The following GLRA3 variants were observed in gnomAD, a reference collection of about 807,000 sequenced individuals.
The protein encoded by GLRA3 is glycine receptor subunit alpha-3.
A neutral mutation model predicts 60.4 loss-of-function variants in GLRA3; 44 were observed. That is an observed-to-expected ratio of 0.73 (90% CI 0.57 to 0.94). The LOEUF (loss-of-function observed/expected upper bound fraction) is 0.94, where lower values mean the gene tolerates loss of function less well. Among genes scored for constraint, GLRA3 ranks in the 40% least tolerant of loss-of-function variants. GLRA3 has a pLI of 0.00. For missense variants in GLRA3, 508 were observed against 564.6 expected, an observed-to-expected ratio of 0.90 and a Z score of 1.02; for synonymous variants, 223 against 192.9, an observed-to-expected ratio of 1.16 and a Z score of -1.29.
intron 3 of GLRA3, among the ~76,000 whole-genome samples, chr4:174,757,943 A>G (rs763313371): frequency 1.3e-5 from 2 of 152,078 alleles, no homozygotes; most frequent in Non-Finnish European, 1.5e-5. Flanking sequence ...TGCTGTCCCC[A>G]TGGTAACCAA....
intron 5 of GLRA3, among the ~76,000 whole-genome samples, chr4:174,689,452 A>T (rs1005485405): frequency 1.3e-5 from 2 of 152,166 alleles, no homozygotes; most frequent in Non-Finnish European, 2.9e-5. Context: ...TTTATGGAGT[A>T]CAAGTATAAT....
At chr4:174,657,197 G>A (rs1425641866) in intron 8 of GLRA3, among the ~76,000 whole-genome samples, 1 of 152,022 alleles carries the variant, frequency 6.6e-6, no homozygotes, top group Non-Finnish European at 1.5e-5. Context: ...GAATAAAGAG[G>A]CACTTTGGTA....
chr4:174,713,044 C>T (rs965321959), intron 5 of GLRA3, among the ~76,000 whole-genome samples: 4 of 151,714 alleles, frequency 2.6e-5, no homozygotes, highest in African/African-American at 9.7e-5. Flanking sequence ...AAGAAAAAAA[C>T]GCCTTGAAGA....
intron 3 of GLRA3, among the ~76,000 whole-genome samples, chr4:174,758,921 A>G (rs1737834319): frequency 6.6e-6 from 1 of 152,164 alleles, no homozygotes; most frequent in Admixed American, 6.5e-5. Flanking sequence ...ATAAATTGAT[A>G]TACTATGTTC....
In GLRA3 at chr4:174,649,083, A is replaced by G. The variant is rs115798911; in HGVS notation, c.1117-5019T>C. Among the ~76,000 whole-genome samples, 392 of 152,198 alleles carry G rather than the reference A, an allele frequency of 2.6e-3. 1 individual carries two copies. The highest frequency in any genetic ancestry group is 0.01 in the Middle Eastern group (3 of 290). ...ATCAGTTAAGGCAGCTGAAAGAAAC[A>G]GACTGACTCGAAGGCCAGGATTTCC... On this transcript the variant is annotated intron_variant, in intron 9 of 9. Transcript: ENST00000274093.
chr4:174,672,590 G>A (rs1029967076), intron 7 of GLRA3, among the ~76,000 whole-genome samples: 3 of 151,986 alleles, frequency 2.0e-5, no homozygotes, highest in Non-Finnish European at 1.5e-5. Flanking sequence ...GGTCCCTGCA[G>A]CCCCAGAATG....
intron 5 of GLRA3, among the ~76,000 whole-genome samples, chr4:174,696,902 G>A (rs1016340265): frequency 7.9e-5 from 12 of 152,086 alleles, no homozygotes; most frequent in African/African-American, 2.9e-4. Flanking sequence ...GCTAAGGCTA[G>A]AAAGGAGGAT....
At chr4:174,775,192 A>C (rs6839668) in intron 2 of GLRA3, among the ~76,000 whole-genome samples, 111,339 of 151,880 alleles carry the variant, frequency 0.73, 41,105 homozygotes, top group East Asian at 0.99. Flanking sequence ...ATGCAAACAG[A>C]AATGTACCAT....
At position 174,709,821 on chromosome 4, in the gene GLRA3, T is replaced by C. The variant is rs141563561; in HGVS notation, c.574+5667A>G. ...GTGATGAGTTAGCATTCTAAATTAC[T>C]GTAACAGTAAAGATTCAACTTTAGT... On this transcript the variant is annotated intron_variant, in intron 5 of 9. Coordinates refer to ENST00000274093, the MANE Select transcript of GLRA3 (RefSeq NM_006529.4). Among the ~76,000 whole-genome samples, 444 of 152,214 alleles carry C rather than the reference T, an allele frequency of 2.9e-3. 2 individuals are homozygous for C. Among genetic ancestry groups the C allele is most frequent in the Non-Finnish European group, 5.3e-3 (358 of 67,920 alleles).
chr4:174,750,455 T>C (rs1409899848), intron 3 of GLRA3, among the ~76,000 whole-genome samples: 1 of 152,114 alleles, frequency 6.6e-6, no homozygotes, highest in African/African-American at 2.4e-5. Flanking sequence ...GGATTTAATA[T>C]GTATCCTCAT....
intron 2 of GLRA3, among the ~76,000 whole-genome samples, chr4:174,776,154 GA>G (rs1239182014): frequency 6.6e-6 from 1 of 152,092 alleles, no homozygotes; most frequent in Non-Finnish European, 1.5e-5. Flanking sequence ...TAACTTCTTT[GA>G]TGATTAGGGC....
chr4:174,751,053 GTCTGTCTGTCTATCTA>G (rs1281489367), intron 3 of GLRA3, among the ~76,000 whole-genome samples: 4 of 96,410 alleles, frequency 4.1e-5, no homozygotes, highest in East Asian at 6.5e-4. Context: ...AGAGAAGCCT[GTCTGTCTGTCTATCTA>G]TCTATCTATC....
chr4:174,743,267 A>G (rs982385941), intron 3 of GLRA3, among the ~76,000 whole-genome samples: 8 of 152,222 alleles, frequency 5.3e-5, no homozygotes, highest in African/African-American at 1.7e-4. Flanking sequence ...ATTCAAGATT[A>G]TAAAATTAAA....
chr4:174,679,119 C>G (rs1419465551), intron 6 of GLRA3, among the ~76,000 whole-genome samples: 2 of 152,062 alleles, frequency 1.3e-5, no homozygotes, highest in African/African-American at 2.4e-5. Context: ...ATCATGAGGT[C>G]AGGAGATGGA....
Position 174,677,180 on chromosome 4 carries a change from G to A in GLRA3, c.825C>T (p.Phe275=). ...CCGGTGCTGCATCCATGTTGATCCA[G>A]AATGAAACCCAGGATAGAATAACAA... ...LLIVILSWVS[F]WINMDAAPAR... Residue 275 remains phenylalanine, a synonymous_variant, in exon 7 of 10, where the codon TTC becomes TTT. Transcript: ENST00000274093. 6.2e-7 allele frequency: 1 copy of A among 1,612,538 alleles called. No homozygotes were observed. The highest frequency in any genetic ancestry group is 8.5e-7 in the Non-Finnish European group (1 of 1,178,594).
intron 7 of GLRA3, among the ~76,000 whole-genome samples, chr4:174,664,338 C>T (rs1337795315): frequency 2.0e-5 from 3 of 152,108 alleles, no homozygotes; most frequent in African/African-American, 7.2e-5. Context: ...GGCACTCTGA[C>T]TGTCTCCCAC....
intron 1 of GLRA3, among the ~76,000 whole-genome samples, chr4:174,805,621 C>T (rs1740016496): frequency 6.6e-6 from 1 of 152,054 alleles, no homozygotes; most frequent in Non-Finnish European, 1.5e-5. Context: ...ACTTAAGCAG[C>T]TCCTGAATTC....
chr4:174,826,792 C>T (rs991860721), intron 1 of GLRA3, among the ~76,000 whole-genome samples: 9 of 151,080 alleles, frequency 6.0e-5, no homozygotes, highest in African/African-American at 1.7e-4. Flanking sequence ...GTGCTCAATA[C>T]ATCAGGGCTA....
Position 174,642,299 on chromosome 4 carries a change from C to A in GLRA3, c.*1487G>T, listed in dbSNP as rs1452534291. On this transcript the variant is annotated 3_prime_UTR_variant, in exon 10 of 10. Transcript: ENST00000274093. ...AAATAGCATCTTGTTAAAGAACTGGCTTTTCTATTGTACATCTGAGTTCAT... is the reference window on the plus strand; with the variant it reads ...AAATAGCATCTTGTTAAAGAACTGGATTTTCTATTGTACATCTGAGTTCAT... 1 of 959,878 alleles carries A rather than the reference C, an allele frequency of 1.0e-6. No individual in the cohort carries two copies. The highest frequency in any genetic ancestry group is 1.8e-5 in the African/African-American group (1 of 55,742). 59.5% of individuals were successfully genotyped at this position (959,878 alleles called of 1,614,324 possible). A position where few individuals can be genotyped will look rare whatever the true frequency, so the allele number is the denominator to read the frequency against.
Sources: gnomAD v4.1 joint callset for allele counts (sites outside exome capture counted in the v4.1 genomes callset) on GRCh38, gnomAD v4.1.1 for gene constraint, MANE v1.5 for transcripts, NCBI Gene and HGNC (gene_info 2026-07-23, HGNC 2026-07-21) for gene names.